RGS7: variants seen among roughly 807,000 people sequenced by gnomAD.
RGS7 encodes the protein regulator of G-protein signaling 7.
A neutral mutation model predicts 81.1 loss-of-function variants in RGS7; 27 were observed. The ratio of observed to expected loss-of-function variants is 0.33; its 90% CI spans 0.25 to 0.46. The LOEUF (loss-of-function observed/expected upper bound fraction) is 0.46. RGS7 is among the 20% of genes least tolerant of loss of function. RGS7 has a pLI of 1.00. For synonymous variants in RGS7, 208 were observed against 207.7 expected (o/e 1.00, Z -0.01); for missense variants, 396 against 607.4 (o/e 0.65, Z 3.66).
At chr1:240,829,537 T>C (rs1017845802) in intron 9 of RGS7, among the ~76,000 whole-genome samples, 1 of 152,206 alleles carries the variant, frequency 6.6e-6, no homozygotes, top group African/African-American at 2.4e-5. Context: ...GTTTTCACTT[T>C]CCATTCGATT....
At chr1:241,143,979 T>TTG (rs1197958930) in intron 2 of RGS7, among the ~76,000 whole-genome samples, 1 of 152,180 alleles carries the variant, frequency 6.6e-6, no homozygotes, top group Admixed American at 6.5e-5. Flanking sequence ...TGCCAGTGCC[T>TTG]TGATCTTAGT....
chr1:241,024,050 G>T (rs369653486), intron 3 of RGS7, among the ~76,000 whole-genome samples: 2 of 152,304 alleles, frequency 1.3e-5, no homozygotes, highest in South Asian at 4.1e-4. Context: ...AACACATCCG[G>T]CTGACAATGC....
rs2069906440 is a variant in RGS7, at chr1:241,163,497, C to G, written c.79-64735G>C. Among the ~76,000 whole-genome samples, 1 of 152,144 alleles carries G rather than the reference C, an allele frequency of 6.6e-6. No homozygotes were observed. Among genetic ancestry groups the G allele is most frequent in the South Asian group, 2.1e-4 (1 of 4,828 alleles). On this transcript the variant is annotated intron_variant, in intron 2 of 18. Transcript: ENST00000440928. The surrounding 1 kb of genome is among the most constrained non-coding windows in gnomAD (Gnocchi z 4.6). ...TTTCTCCAAGGGCCTCCCCTGTCCTCTTCCAGATCTAGGAAAGATTAACCG... is the reference window on the plus strand; with the variant it reads ...TTTCTCCAAGGGCCTCCCCTGTCCTGTTCCAGATCTAGGAAAGATTAACCG...
At position 241,259,667 on chromosome 1, in the gene RGS7, A is replaced by AAAAAAAAAAAAAAAAAAAAAAT; in HGVS notation, c.78+96031_78+96032insATTTTTTTTTTTTTTTTTTTTT. 5.7e-4 allele frequency among the ~76,000 whole-genome samples: 28 copies of AAAAAAAAAAAAAAAAAAAAAAT among 49,128 alleles called. 1 individual carries two copies. Among genetic ancestry groups the AAAAAAAAAAAAAAAAAAAAAAT allele is most frequent in the South Asian group, 2.1e-3 (2 of 950 alleles). 32.2% of individuals were successfully genotyped at this position (49,128 alleles called of 152,430 possible). A position where few individuals can be genotyped will look rare whatever the true frequency, so the allele number is the denominator to read the frequency against. ...CTCCGTCTCAAAAAAAAAAAAAAAA[A>AAAAAAAAAAAAAAAAAAAAAAT]ATATATATATATATATATAATTAAA... On this transcript the variant is annotated intron_variant, in intron 2 of 18. Coordinates refer to ENST00000440928, the MANE Select transcript of RGS7 (RefSeq NM_001364886.1).
At chr1:241,008,912 CAAAAAAAAAAAA>C (rs33916247) in intron 3 of RGS7, among the ~76,000 whole-genome samples, 2 of 77,910 alleles carry the variant, frequency 2.6e-5, no homozygotes, top group East Asian at 4.0e-4. Flanking sequence ...ACTCTGTCTC[CAAAAAAAAAAAA>C]AAAAAAAAAA....
intron 2 of RGS7, among the ~76,000 whole-genome samples, chr1:241,133,570 TATTA>T (rs148853463): frequency 3.9e-5 from 6 of 152,276 alleles, no homozygotes; most frequent in African/African-American, 1.4e-4. Context: ...ACACTCATAA[TATTA>T]ATTTTCTCCC....
At chr1:240,933,056 G>A (rs1384450338) in intron 5 of RGS7, among the ~76,000 whole-genome samples, 1 of 147,696 alleles carries the variant, frequency 6.8e-6, no homozygotes, top group Non-Finnish European at 1.5e-5. Context: ...CTAATTTTTT[G>A]TATTTTCAGT....
At chr1:241,188,285 TCACACACA>T (rs59722851) in intron 2 of RGS7, among the ~76,000 whole-genome samples, 6 of 148,048 alleles carry the variant, frequency 4.1e-5, no homozygotes, top group African/African-American at 1.0e-4. Flanking sequence ...TCTTTTATCC[TCACACACA>T]CACACACACA....
chr1:240,906,894 G>T (rs887254015), intron 6 of RGS7, among the ~76,000 whole-genome samples: 5 of 152,146 alleles, frequency 3.3e-5, no homozygotes, highest in Admixed American at 6.5e-5. Context: ...AATAAATTTG[G>T]TATACCTAAG....
At chr1:241,348,520 A>C (rs535277120) in intron 2 of RGS7, among the ~76,000 whole-genome samples, 1 of 152,376 alleles carries the variant, frequency 6.6e-6, no homozygotes, top group African/African-American at 2.4e-5. Flanking sequence ...AGAAAGAAAG[A>C]GAGGCCATAG....
chr1:241,230,337 C>G (rs543586384), intron 2 of RGS7, among the ~76,000 whole-genome samples: 7 of 152,204 alleles, frequency 4.6e-5, no homozygotes, highest in African/African-American at 1.7e-4. Flanking sequence ...CCTCAGCCTC[C>G]TGAGTAGCTG....
intron 11 of RGS7, 123 bp from the exon 12 acceptor site, chr1:240,814,900 G>A: frequency 1.4e-6 from 1 of 716,246 alleles, no homozygotes; most frequent in African/African-American, 1.8e-5. Flanking sequence ...CAATTTCAAA[G>A]TTGGTTAAAA....
At chr1:240,998,528 G>A (rs903539824) in intron 3 of RGS7, 1 of 965,122 alleles carries the variant, frequency 1.0e-6, no homozygotes, top group Admixed American at 1.8e-5. Flanking sequence ...CTCCTCAGCT[G>A]GAGCAGCAGC....
chr1:241,327,118 GAAA>G lies in RGS7; in HGVS notation c.78+28578_78+28580del, dbSNP rs1372874426. Among the ~76,000 whole-genome samples, 17 of 109,072 alleles carry G rather than the reference GAAA, an allele frequency of 1.6e-4. 1 individual carries two copies. Among genetic ancestry groups the G allele is most frequent in the East Asian group, 1.0e-3 (4 of 3,956 alleles). The allele number at this position is 109,072 out of a possible 152,430, so 71.6% of individuals were successfully genotyped here. ...AGAAAGAAAGAAAGAAAGAAAGAAA[GAAA>G]GAAAGAAAGAAAGAAAGAAAGAAAG... On this transcript the variant is annotated intron_variant, in intron 2 of 18. Coordinates refer to ENST00000440928, the MANE Select transcript of RGS7 (RefSeq NM_001364886.1).
At chr1:240,801,097 G>T (rs1468871073) in intron 17 of RGS7, among the ~76,000 whole-genome samples, 1 of 151,738 alleles carries the variant, frequency 6.6e-6, no homozygotes, top group Non-Finnish European at 1.5e-5. Context: ...CCTCAGGAAG[G>T]GCTAAGGGAA....
At chr1:240,776,489 C>T (rs532552176) in intron 18 of RGS7, among the ~76,000 whole-genome samples, 39 of 151,842 alleles carry the variant, frequency 2.6e-4, no homozygotes, top group Non-Finnish European at 4.3e-4. Context: ...TTTCACAGCA[C>T]AGATTAGCAA....
At chr1:241,013,161 C>G (rs576175429) in intron 3 of RGS7, among the ~76,000 whole-genome samples, 1 of 147,884 alleles carries the variant, frequency 6.8e-6, no homozygotes, top group Admixed American at 7.0e-5. Context: ...CTCCCGGGTT[C>G]AAGCGATTCT....
chr1:241,085,601 T>C (rs576280496), intron 3 of RGS7, among the ~76,000 whole-genome samples: 10 of 89,320 alleles, frequency 1.1e-4, no homozygotes, highest in African/African-American at 8.0e-4. Context: ...ATTTTTTATA[T>C]TTTTTTTAGT....
chr1:241,280,592 T>C (rs988733645), intron 2 of RGS7, among the ~76,000 whole-genome samples: 7 of 152,310 alleles, frequency 4.6e-5, no homozygotes, highest in Admixed American at 3.9e-4. Flanking sequence ...GGACCTCCCA[T>C]GCTAAAGCAA....
Sources: allele counts gnomAD v4.1 joint callset (sites outside exome capture counted in the v4.1 genomes callset), GRCh38; gene constraint gnomAD v4.1.1; non-coding constraint Gnocchi (gnomAD v3.1); transcripts MANE v1.5; gene names NCBI Gene and HGNC (gene_info 2026-07-23, HGNC 2026-07-21).